Variants in NRG3 observed in about 807,000 individuals in gnomAD.
NRG3 encodes the protein neuregulin 3.
Under a neutral mutation model 66.9 loss-of-function variants are expected in NRG3, and 31 were observed. That is an observed-to-expected ratio of 0.46 (90% CI 0.35 to 0.63). NRG3 has a LOEUF of 0.63. NRG3 is among the 20% of genes least tolerant of loss of function. NRG3 has a pLI of 0.00. For synonymous variants in NRG3, 393 were observed against 359.4 expected, an observed-to-expected ratio of 1.09 and a Z score of -1.06; for missense variants, 910 against 878.9, an observed-to-expected ratio of 1.04 and a Z score of -0.45.
At chr10:82,733,022 T>G (rs553495326) in intron 2 of NRG3, among the ~76,000 whole-genome samples, 2 of 152,330 alleles carry the variant, frequency 1.3e-5, no homozygotes, top group Admixed American at 6.5e-5. Flanking sequence ...GGCCATTTTT[T>G]TTCCCTATGA....
chr10:82,701,005 A>G (rs17100586), intron 2 of NRG3, among the ~76,000 whole-genome samples: 7,179 of 152,176 alleles, frequency 0.047, 199 homozygotes, highest in South Asian at 0.09. Context: ...GGAATTAATT[A>G]AACTCACATA....
chr10:82,203,917 A>G (rs893021944), intron 1 of NRG3, among the ~76,000 whole-genome samples: 8 of 152,200 alleles, frequency 5.3e-5, no homozygotes, highest in Non-Finnish European at 1.2e-4. Flanking sequence ...GGTTTGCATG[A>G]TAACCTGACT....
chr10:82,624,768 A>G (rs181303400), intron 2 of NRG3, among the ~76,000 whole-genome samples: 24 of 148,064 alleles, frequency 1.6e-4, no homozygotes, highest in African/African-American at 5.4e-4. Context: ...AATGAACCCA[A>G]TGTACCAGGT....
intron 3 of NRG3, among the ~76,000 whole-genome samples, chr10:82,776,043 A>T (rs1280053276): frequency 6.6e-6 from 1 of 152,176 alleles, no homozygotes; most frequent in African/African-American, 2.4e-5. Context: ...ATACTTTTAT[A>T]TATTTCCATT....
chr10:82,599,537 G>A (rs1186583673), intron 2 of NRG3, among the ~76,000 whole-genome samples: 13 of 152,108 alleles, frequency 8.5e-5, no homozygotes, highest in Admixed American at 2.6e-4. Context: ...TAATCAGGCC[G>A]GGCGCCGGGG....
chr10:82,479,811 CA>C (rs904530979), intron 2 of NRG3, among the ~76,000 whole-genome samples: 1 of 150,858 alleles, frequency 6.6e-6, no homozygotes, highest in Non-Finnish European at 1.5e-5. Flanking sequence ...ACTAAAAACA[CA>C]AAAAAATTAG....
At chr10:82,786,614 G>C (rs1003305248) in intron 3 of NRG3, among the ~76,000 whole-genome samples, 1 of 152,098 alleles carries the variant, frequency 6.6e-6, no homozygotes, top group African/African-American at 2.4e-5. Context: ...TCTGGATTTT[G>C]AACTTTTGAG....
chr10:82,420,322 A>G (rs1180128805), intron 2 of NRG3, among the ~76,000 whole-genome samples: 2 of 152,118 alleles, frequency 1.3e-5, no homozygotes, highest in African/African-American at 2.4e-5. Flanking sequence ...TAGGGATGCA[A>G]TGATTTCACA....
At chr10:82,973,209 G>A (rs1851930203) in intron 6 of NRG3, among the ~76,000 whole-genome samples, 1 of 152,120 alleles carries the variant, frequency 6.6e-6, no homozygotes, top group African/African-American at 2.4e-5. Flanking sequence ...TATCTTATAA[G>A]CTATTATAGT....
intron 1 of NRG3, among the ~76,000 whole-genome samples, chr10:82,134,154 A>C (rs1327721773): frequency 1.3e-5 from 2 of 152,052 alleles, no homozygotes; most frequent in African/African-American, 4.8e-5. Context: ...TAGGTGCTGG[A>C]TATTAGACCT....
At chr10:82,292,290 G>A (rs911434971) in intron 1 of NRG3, among the ~76,000 whole-genome samples, 1 of 151,794 alleles carries the variant, frequency 6.6e-6, no homozygotes, top group African/African-American at 2.4e-5. Flanking sequence ...CTATCATAAT[G>A]GCTAAAGTTA....
At chr10:81,883,333 A>AGATAT (rs1018293875) in intron 1 of NRG3, among the ~76,000 whole-genome samples, 1 of 152,166 alleles carries the variant, frequency 6.6e-6, no homozygotes, top group Non-Finnish European at 1.5e-5. Flanking sequence ...ATTATATCTT[A>AGATAT]AAGTATTACT....
chr10:82,255,249 A>C (rs1484612988), intron 1 of NRG3, among the ~76,000 whole-genome samples: 6 of 152,152 alleles, frequency 3.9e-5, no homozygotes, highest in Non-Finnish European at 7.3e-5. Flanking sequence ...ACTCTTTAAA[A>C]CCATCAAGGT....
intron 3 of NRG3, among the ~76,000 whole-genome samples, chr10:82,850,854 G>C (rs2135830197): frequency 6.6e-6 from 1 of 152,200 alleles, no homozygotes; most frequent in South Asian, 2.1e-4. Flanking sequence ...TTTGCAGCAG[G>C]AACAAATCTC....
intron 2 of NRG3, among the ~76,000 whole-genome samples, chr10:82,418,846 G>T (rs916227434): frequency 6.6e-6 from 1 of 151,830 alleles, no homozygotes; most frequent in African/African-American, 2.4e-5. Context: ...GGCAATCCTC[G>T]CACCTCAGGC....
chr10:81,933,608 A>G (rs186436528), intron 1 of NRG3, among the ~76,000 whole-genome samples: 26 of 152,264 alleles, frequency 1.7e-4, no homozygotes, highest in Admixed American at 1.0e-3. Flanking sequence ...TTTCTTCCAA[A>G]GTGTCCTATG....
At chr10:81,995,847 GTTTGTTTTGT>G (rs552146458) in intron 1 of NRG3, among the ~76,000 whole-genome samples, 3 of 151,494 alleles carry the variant, frequency 2.0e-5, no homozygotes, top group African/African-American at 4.9e-5. Context: ...CCTTGATATT[GTTTGTTTTGT>G]TTTGTTTTGT....
At chr10:82,136,064 G>T (rs1057160385) in intron 1 of NRG3, among the ~76,000 whole-genome samples, 2 of 152,128 alleles carry the variant, frequency 1.3e-5, no homozygotes, top group African/African-American at 4.8e-5. Flanking sequence ...AGCATTAGGG[G>T]ACACACCAAG....
chr10:82,152,430 G>A (rs779004717), intron 1 of NRG3, among the ~76,000 whole-genome samples: 5 of 152,122 alleles, frequency 3.3e-5, no homozygotes, highest in African/African-American at 4.8e-5. Context: ...AGTTAAGTAC[G>A]TTTGGCCAAA....
Sources: allele counts gnomAD v4.1 joint callset (sites outside exome capture counted in the v4.1 genomes callset), GRCh38; gene constraint gnomAD v4.1.1; transcripts MANE v1.5; gene names NCBI Gene and HGNC (gene_info 2026-07-23, HGNC 2026-07-21).